The following PALM2AKAP2 variants were observed in gnomAD, a reference collection of about 807,000 sequenced individuals.
PALM2AKAP2 encodes PALM2-AKAP2 fusion protein.
Under a neutral mutation model 71.5 loss-of-function variants are expected in PALM2AKAP2, and 37 were observed. The observed-to-expected ratio is 0.52, with a 90% CI of 0.40 to 0.68. The LOEUF (loss-of-function observed/expected upper bound fraction) is 0.68. PALM2AKAP2 is among the 30% of genes least tolerant of loss of function. The pLI, the probability that PALM2AKAP2 is intolerant of heterozygous loss-of-function variation, is 0.00. For missense variants in PALM2AKAP2, 1,224 were observed against 1,191.8 expected (o/e 1.03, Z -0.40); for synonymous variants, 468 against 478.8 (o/e 0.98, Z 0.29).
At chr9:109,784,913 G>T (rs891209293) in intron 1 of PALM2AKAP2, among the ~76,000 whole-genome samples, 11 of 152,208 alleles carry the variant, frequency 7.2e-5, no homozygotes, top group African/African-American at 2.4e-4. Context: ...CCTTTTGAGA[G>T]TCTTTCAAGC....
chr9:109,816,963 C>G (rs1827869224), intron 1 of PALM2AKAP2, among the ~76,000 whole-genome samples: 1 of 152,164 alleles, frequency 6.6e-6, no homozygotes, highest in African/African-American at 2.4e-5. Context: ...AAATACTCTT[C>G]TAATATTTTT....
chr9:109,964,189 G>A (rs1296543215), intron 6 of PALM2AKAP2, among the ~76,000 whole-genome samples: 2 of 152,270 alleles, frequency 1.3e-5, no homozygotes, highest in Non-Finnish European at 2.9e-5. Flanking sequence ...CCCCAGAAAT[G>A]TTCGGCATAG....
At chr9:109,755,858 G>T (rs545548725) in intron 1 of PALM2AKAP2, among the ~76,000 whole-genome samples, 1 of 152,048 alleles carries the variant, frequency 6.6e-6, no homozygotes, top group Non-Finnish European at 1.5e-5. Flanking sequence ...CAGTGCTTTT[G>T]CACAGAGTAA....
chr9:110,068,087 C>CT (rs5899875), intron 1 of PALM2AKAP2, among the ~76,000 whole-genome samples: 35,404 of 122,636 alleles, frequency 0.29, 5,931 homozygotes, highest in East Asian at 0.42. Flanking sequence ...GTTCCAAACT[C>CT]TTTTTTTTTT....
At chr9:110,127,436 C>T (rs765914740) in intron 1 of PALM2AKAP2, among the ~76,000 whole-genome samples, 1 of 152,124 alleles carries the variant, frequency 6.6e-6, no homozygotes, top group South Asian at 2.1e-4. Flanking sequence ...CAGTTTCCCA[C>T]AATCAACACG....
At chr9:109,943,230 T>C in intron 6 of PALM2AKAP2, 1 of 1,613,548 alleles carries the variant, frequency 6.2e-7, no homozygotes, top group African/African-American at 1.3e-5. Context: ...ATGAAGATGA[T>C]GAGAAGTCAT....
At chr9:109,766,478 T>C (rs903518875) in intron 1 of PALM2AKAP2, among the ~76,000 whole-genome samples, 1 of 152,226 alleles carries the variant, frequency 6.6e-6, no homozygotes, top group Non-Finnish European at 1.5e-5. Context: ...GCAGACTCAT[T>C]GCGATTTCCT....
intron 6 of PALM2AKAP2, among the ~76,000 whole-genome samples, chr9:109,947,256 T>G (rs968213563): frequency 3.3e-5 from 5 of 152,246 alleles, no homozygotes; most frequent in Non-Finnish European, 5.9e-5. Flanking sequence ...TTTAATTTCC[T>G]GCTGATAAAT....
intron 1 of PALM2AKAP2, among the ~76,000 whole-genome samples, chr9:109,731,060 C>A (rs74713271): frequency 0.043 from 6,497 of 152,270 alleles, 191 homozygotes; most frequent in Non-Finnish European, 0.053. Context: ...GTGTGAATTT[C>A]TTATTAGGAA....
chr9:109,672,115 C>T (rs1827582146), intron 1 of PALM2AKAP2, among the ~76,000 whole-genome samples: 2 of 152,140 alleles, frequency 1.3e-5, no homozygotes, highest in South Asian at 4.2e-4. Context: ...TGCCTGATTA[C>T]CCTGCAGGGA....
chr9:109,992,230 C>A (rs1482676915), intron 6 of PALM2AKAP2, among the ~76,000 whole-genome samples: 2 of 152,124 alleles, frequency 1.3e-5, no homozygotes, highest in African/African-American at 4.8e-5. Flanking sequence ...TCATCTCTGC[C>A]TCTGTCTTCA....
intron 2 of PALM2AKAP2, among the ~76,000 whole-genome samples, chr9:110,147,612 C>CG (rs550408941): frequency 7.2e-5 from 11 of 152,030 alleles, no homozygotes; most frequent in Non-Finnish European, 5.9e-5. Flanking sequence ...CCTGTTTCTA[C>CG]GGGGGGAAAA....
chr9:109,655,298 CAAAAAAAAAAAA>C (rs10598253), intron 1 of PALM2AKAP2, among the ~76,000 whole-genome samples: 1 of 110,390 alleles, frequency 9.1e-6, no homozygotes, highest in Admixed American at 9.4e-5. Flanking sequence ...GACTCGGTCT[CAAAAAAAAAAAA>C]AAAAAAAAGA....
chr9:109,680,842 A>G (rs531798640), intron 1 of PALM2AKAP2, among the ~76,000 whole-genome samples: 21 of 152,188 alleles, frequency 1.4e-4, no homozygotes, highest in African/African-American at 2.4e-4. Context: ...GTTATCTACA[A>G]TTGCAACTGA....
At chr9:109,803,476 C>G (rs527786693) in intron 1 of PALM2AKAP2, among the ~76,000 whole-genome samples, 13 of 152,302 alleles carry the variant, frequency 8.5e-5, no homozygotes, top group African/African-American at 3.1e-4. Context: ...TAGGAGCCCT[C>G]AAGATCATCT....
chr9:109,713,646 A>G (rs921076845), intron 1 of PALM2AKAP2, among the ~76,000 whole-genome samples: 21 of 152,212 alleles, frequency 1.4e-4, no homozygotes, highest in Non-Finnish European at 2.5e-4. Context: ...TCTCATTAGC[A>G]AGCAGATCTG....
intron 1 of PALM2AKAP2, among the ~76,000 whole-genome samples, chr9:110,089,217 G>A (rs554357974): frequency 1.3e-5 from 2 of 152,288 alleles, no homozygotes; most frequent in Admixed American, 6.5e-5. Flanking sequence ...TTGTTGGAGA[G>A]CACATGTATG....
intron 6 of PALM2AKAP2, among the ~76,000 whole-genome samples, chr9:109,983,674 G>A (rs1235973402): frequency 1.3e-5 from 2 of 152,110 alleles, no homozygotes; most frequent in African/African-American, 4.8e-5. Flanking sequence ...AGACCAGCCT[G>A]ACCAACATGG....
Position 109,984,754 on chromosome 9 carries a change from C to T in PALM2AKAP2, c.497-31200C>T, listed in dbSNP as rs866393723. ...TGGGTGTGGTGGAGTGCCTTTAATC[C>T]CAGCTACTCAGGAGACTGAGGTGGG... On this transcript the variant is annotated intron_variant, in intron 6 of 9. Coordinates refer to the PALM2AKAP2 transcript ENST00000302798. Among the ~76,000 whole-genome samples the T allele has an allele frequency of 2.0e-4, 30 of 150,832 alleles. 1 individual carries two copies. The highest frequency in any genetic ancestry group is 6.1e-4 in the African/African-American group (25 of 40,978).
Sources: gnomAD v4.1 joint callset for allele counts (sites outside exome capture counted in the v4.1 genomes callset) on GRCh38, gnomAD v4.1.1 for gene constraint, MANE v1.5 for transcripts, NCBI Gene and HGNC (gene_info 2026-07-23, HGNC 2026-07-21) for gene names.